KLHL20: variants seen among roughly 807,000 people sequenced by gnomAD.
KLHL20 encodes the protein kelch like family member 20.
In KLHL20, 29 loss-of-function variants were observed where a neutral mutation model predicts 69.5. The ratio of observed to expected loss-of-function variants is 0.42; its 90% CI spans 0.31 to 0.57. The LOEUF (loss-of-function observed/expected upper bound fraction) is 0.57, where lower values mean the gene tolerates loss of function less well. Ranked by LOEUF, KLHL20 falls within the 20% of genes least tolerant of loss-of-function variation. The pLI, the probability that KLHL20 is intolerant of heterozygous loss-of-function variation, is 0.18. For missense variants in KLHL20, 419 were observed against 776.0 expected, an observed-to-expected ratio of 0.54 and a Z score of 5.47; for synonymous variants, 253 against 265.2, an observed-to-expected ratio of 0.95 and a Z score of 0.45.
intron 1 of KLHL20, 127 bp downstream of exon 1, chr1:173,715,205 CGAGAA>C (rs989627677): frequency 6.6e-6 from 1 of 152,320 alleles, no homozygotes; most frequent in Non-Finnish European, 1.5e-5. Context: ...CAGTCGGCGC[CGAGAA>C]GAGACTGTTG....
chr1:173,747,595 A>G (rs1673121716), intron 3 of KLHL20, among the ~76,000 whole-genome samples: 2 of 152,010 alleles, frequency 1.3e-5, no homozygotes, highest in African/African-American at 4.8e-5. Flanking sequence ...TTATGAGCAG[A>G]TTTGAAATCC....
At chr1:173,734,457 T>C (rs1558189444) in intron 3 of KLHL20, 171 bp downstream of exon 3, 1 of 646,934 alleles carries the variant, frequency 1.5e-6, no homozygotes. Context: ...GGCAATTTTG[T>C]GTTCTACCAG....
rs184122244 is a variant in KLHL20, at chr1:173,767,655, T to G, written c.1295+1366T>G. Among the ~76,000 whole-genome samples, 627 of 152,352 alleles carry G rather than the reference T, an allele frequency of 4.1e-3. 9 individuals are homozygous for G. The highest frequency in any genetic ancestry group is 0.021 in the South Asian group (102 of 4,826). On this transcript the variant is annotated intron_variant, in intron 8 of 11. Coordinates refer to ENST00000209884, the MANE Select transcript of KLHL20 (RefSeq NM_014458.4). ...TGATGATAAGTGATATTGAGCATTT[T>G]CTCATATACTGAGCCATTTTTATGT... is the stretch of plus-strand genomic sequence containing the variant.
At chr1:173,726,579 TTTG>T (rs909587245) in intron 2 of KLHL20, among the ~76,000 whole-genome samples, 1 of 152,128 alleles carries the variant, frequency 6.6e-6, no homozygotes, top group Non-Finnish European at 1.5e-5. Flanking sequence ...GGCAGCAACA[TTTG>T]TTGTTCACCA....
Position 173,753,571 on chromosome 1 carries a change from T to C in KLHL20, c.851+264T>C, listed in dbSNP as rs564185360. Among the ~76,000 whole-genome samples, 5 of 152,318 alleles carry C rather than the reference T, an allele frequency of 3.3e-5. No homozygotes were observed. The South Asian group carries it at 8.3e-4, about 25-fold the overall frequency. On this transcript the variant is annotated intron_variant, in intron 5 of 11. Transcript: ENST00000209884. The stretch of plus-strand genomic sequence containing the variant: ...AATAAAAAGGTAGATTTCCAAGATT[T>C]TAATGCAGGCTTGAATTTAAAGAGT...
At chr1:173,779,454 A>G (rs1312287728) in intron 10 of KLHL20, among the ~76,000 whole-genome samples, 1 of 150,888 alleles carries the variant, frequency 6.6e-6, no homozygotes, top group Admixed American at 6.6e-5. Flanking sequence ...AGGTTCAAGC[A>G]ATTCTCCTGC....
At chr1:173,769,819 C>A (rs1009757017) in intron 8 of KLHL20, among the ~76,000 whole-genome samples, 2 of 150,666 alleles carry the variant, frequency 1.3e-5, no homozygotes, top group African/African-American at 4.9e-5. Context: ...ATACCCCATT[C>A]TTTATGATGT....
chr1:173,727,904 T>G (rs1395674503), intron 2 of KLHL20, among the ~76,000 whole-genome samples: 2 of 152,144 alleles, frequency 1.3e-5, no homozygotes, highest in Admixed American at 1.3e-4. Flanking sequence ...ATAACAATAT[T>G]AACCTTAAAT....
intron 8 of KLHL20, among the ~76,000 whole-genome samples, chr1:173,769,780 CAAAAAAAAAA>C (rs5779440): frequency 1.1e-5 from 1 of 87,014 alleles, no homozygotes. Context: ...GACCCTGTCT[CAAAAAAAAAA>C]AAAAAAAAAA....
chr1:173,766,971 G>C (rs560029083), intron 8 of KLHL20, among the ~76,000 whole-genome samples: 2 of 152,166 alleles, frequency 1.3e-5, no homozygotes, highest in Admixed American at 1.3e-4. Flanking sequence ...ATTAACTATA[G>C]TTACTATGTT....
At chr1:173,755,750 G>T (rs1027717576) in intron 5 of KLHL20, among the ~76,000 whole-genome samples, 173 bp from the exon 6 acceptor site, 2 of 152,188 alleles carry the variant, frequency 1.3e-5, no homozygotes, top group African/African-American at 4.8e-5. Context: ...AACTCAGTTT[G>T]ACTGGCATTA....
intron 11 of KLHL20, among the ~76,000 whole-genome samples, chr1:173,783,542 A>G (rs2102544059): frequency 6.6e-6 from 1 of 152,292 alleles, no homozygotes; most frequent in South Asian, 2.1e-4. Context: ...TTGCTCCTAC[A>G]TCACATTTTT....
chr1:173,751,448 A>G (rs192230335), intron 3 of KLHL20, among the ~76,000 whole-genome samples: 9 of 152,204 alleles, frequency 5.9e-5, no homozygotes, highest in Non-Finnish European at 1.3e-4. Context: ...GACTTTTTAT[A>G]TGCCTTATAT....
At chr1:173,766,776 T>C (rs989880435) in intron 8 of KLHL20, among the ~76,000 whole-genome samples, 1 of 152,046 alleles carries the variant, frequency 6.6e-6, no homozygotes. Context: ...AAATGAAAGA[T>C]CTAAAAAAAG....
chr1:173,719,288 G>C (rs1671611636), intron 2 of KLHL20, among the ~76,000 whole-genome samples: 1 of 151,866 alleles, frequency 6.6e-6, no homozygotes, highest in Non-Finnish European at 1.5e-5. Flanking sequence ...GAATATCCTT[G>C]TAGGTGGTTT....
In KLHL20 at chr1:173,774,314, G is replaced by A. The variant is rs372597547; in HGVS notation, c.1305G>A (p.Pro435=). The change falls in exon 9 of 12, where the codon CCG becomes CCA. Residue 435 remains proline (P), a synonymous_variant. Transcript: ENST00000209884. ...SCLNIVERYD[P]KENKWTRVAS... ...GTTTCCCTCACTGCAGGTATGATCC[G>A]AAGGAGAACAAGTGGACTCGGGTAG... is the stretch of plus-strand genomic sequence containing the variant. 161 of 1,614,102 alleles carry A rather than the reference G, an allele frequency of 1.0e-4. 2 individuals carry two copies. In the East Asian group the frequency reaches 1.4e-3, roughly 14 times the overall value.
chr1:173,721,361 G>A (rs777586540), intron 2 of KLHL20, among the ~76,000 whole-genome samples: 2 of 152,134 alleles, frequency 1.3e-5, no homozygotes, highest in Non-Finnish European at 2.9e-5. Flanking sequence ...CTATTCCCTA[G>A]TGTGGCATGC....
chr1:173,755,808 T>G (rs2102504644), intron 5 of KLHL20, 115 bp from the exon 6 acceptor site: 2 of 624,232 alleles, frequency 3.2e-6, no homozygotes, highest in South Asian at 4.0e-5. Context: ...CATTCATGAT[T>G]TGGTTTGATT....
intron 2 of KLHL20, among the ~76,000 whole-genome samples, chr1:173,726,601 T>A (rs1484821553): frequency 6.6e-6 from 1 of 152,200 alleles, no homozygotes; most frequent in Non-Finnish European, 1.5e-5. Context: ...CAATATCCGC[T>A]GTTCTGCAGC....
Sources: allele counts gnomAD v4.1 joint callset (sites outside exome capture counted in the v4.1 genomes callset), GRCh38; gene constraint gnomAD v4.1.1; transcripts MANE v1.5; gene names NCBI Gene and HGNC (gene_info 2026-07-23, HGNC 2026-07-21).